Variants in GPR149 observed in about 807,000 individuals in gnomAD.
The protein encoded by GPR149 is probable G protein-coupled receptor 149.
In GPR149, 50 loss-of-function variants were observed where a neutral mutation model predicts 50.2. The observed-to-expected ratio is 1.00, with a 90% CI of 0.79 to 1.26. The LOEUF (loss-of-function observed/expected upper bound fraction) is 1.26. Among genes scored for constraint, GPR149 ranks in the 50% most tolerant of loss-of-function variants. The pLI is 0.00. For missense variants in GPR149, 983 were observed against 895.4 expected, an observed-to-expected ratio of 1.10 and a Z score of -1.25; for synonymous variants, 405 against 358.2, an observed-to-expected ratio of 1.13 and a Z score of -1.48.
At chr3:154,371,248 A>G (rs1714657793) in intron 3 of GPR149, among the ~76,000 whole-genome samples, 2 of 152,168 alleles carry the variant, frequency 1.3e-5, no homozygotes, top group South Asian at 4.1e-4. Context: ...CTAGTGCAAG[A>G]CCTCAGGTTT....
At chr3:154,395,450 G>GTATATATA (rs58944835) in intron 3 of GPR149, among the ~76,000 whole-genome samples, 2 of 145,722 alleles carry the variant, frequency 1.4e-5, no homozygotes, top group African/African-American at 5.0e-5. Flanking sequence ...ATATATATAA[G>GTATATATA]TATATATATA....
At chr3:154,343,112 G>T (rs192638809) in intron 3 of GPR149, among the ~76,000 whole-genome samples, 2 of 152,272 alleles carry the variant, frequency 1.3e-5, no homozygotes, top group Non-Finnish European at 2.9e-5. Context: ...AGATATAAAA[G>T]CAAGCAAATT....
intron 3 of GPR149, among the ~76,000 whole-genome samples, chr3:154,411,702 A>G (rs1213880665): frequency 6.6e-6 from 1 of 152,106 alleles, no homozygotes; most frequent in East Asian, 1.9e-4. Flanking sequence ...TTAAAATAGT[A>G]ATTAAAAATT....
chr3:154,358,864 C>A (rs187286795), intron 3 of GPR149, among the ~76,000 whole-genome samples: 2 of 151,960 alleles, frequency 1.3e-5, no homozygotes, highest in Admixed American at 6.6e-5. Context: ...TGTATTTGTG[C>A]ATGGGTGTTT....
intron 3 of GPR149, among the ~76,000 whole-genome samples, chr3:154,406,102 T>C (rs941718428): frequency 5.9e-5 from 9 of 151,986 alleles, no homozygotes; most frequent in African/African-American, 1.9e-4. Flanking sequence ...TCTATAAAAA[T>C]TGGAAAAAAT....
intron 3 of GPR149, among the ~76,000 whole-genome samples, chr3:154,376,336 G>A (rs1284268090): frequency 1.3e-5 from 2 of 152,130 alleles, no homozygotes; most frequent in African/African-American, 2.4e-5. Context: ...GAGATTTTAA[G>A]TTTCTCTGCT....
chr3:154,422,720 G>A (rs1202645297), intron 2 of GPR149, among the ~76,000 whole-genome samples: 1 of 151,408 alleles, frequency 6.6e-6, no homozygotes, highest in Non-Finnish European at 1.5e-5. Context: ...ACAAGAACAA[G>A]TTTGATTCAA....
At chr3:154,423,234 A>G (rs1412444005) in intron 2 of GPR149, among the ~76,000 whole-genome samples, 8 of 151,920 alleles carry the variant, frequency 5.3e-5, no homozygotes, top group Non-Finnish European at 4.4e-5. Context: ...CACATCGATT[A>G]TCTCATTTAA....
intron 3 of GPR149, among the ~76,000 whole-genome samples, chr3:154,413,698 T>A (rs968141093): frequency 6.6e-6 from 1 of 151,616 alleles, no homozygotes; most frequent in Admixed American, 6.6e-5. Flanking sequence ...ACTTTTACAC[T>A]GTTGGTGGTA....
At chr3:154,416,185 C>T (rs1024836229) in intron 3 of GPR149, among the ~76,000 whole-genome samples, 3 of 151,778 alleles carry the variant, frequency 2.0e-5, no homozygotes, top group Non-Finnish European at 4.4e-5. Flanking sequence ...CAGCCTTATA[C>T]TTTATGGGTC....
At chr3:154,419,700 GAC>G (rs145200212) in intron 3 of GPR149, among the ~76,000 whole-genome samples, 170 of 151,858 alleles carry the variant, frequency 1.1e-3, no homozygotes, top group Middle Eastern at 3.4e-3. Flanking sequence ...TATTGGGATG[GAC>G]ACACACACAC....
Position 154,414,109 on chromosome 3 carries a change from A to C in GPR149, c.1623+6930T>G, listed in dbSNP as rs149188874. 2.9e-4 allele frequency among the ~76,000 whole-genome samples: 44 copies of C among 152,108 alleles called. No individual in the cohort carries two copies. The East Asian group carries it at 8.3e-3, about 29-fold the overall frequency. On this transcript the variant is annotated intron_variant, in intron 3 of 3. Transcript: ENST00000389740. ...CTCATTCATATGTGTGAGTTAAGCC[A>C]TGAGGATGCAAAGGTGTAAGAATGA...
chr3:154,394,163 T>C (rs529268127), intron 3 of GPR149, among the ~76,000 whole-genome samples: 1 of 152,182 alleles, frequency 6.6e-6, no homozygotes, highest in Admixed American at 6.5e-5. Flanking sequence ...ATTTTCAAAA[T>C]ACATTACAAG....
chr3:154,340,722 TTTTG>T (rs1440768206), intron 3 of GPR149, among the ~76,000 whole-genome samples: 20 of 152,046 alleles, frequency 1.3e-4, no homozygotes, highest in African/African-American at 4.8e-5. Context: ...AAAGATTTAG[TTTTG>T]TTTGTTTGTT....
chr3:154,417,710 A>C (rs2108427383), intron 3 of GPR149, among the ~76,000 whole-genome samples: 2 of 152,200 alleles, frequency 1.3e-5, no homozygotes, highest in East Asian at 3.9e-4. Context: ...ACATATGTTA[A>C]CATTGCTTTG....
chr3:154,374,370 G>A (rs922129217), intron 3 of GPR149, among the ~76,000 whole-genome samples: 7 of 151,656 alleles, frequency 4.6e-5, no homozygotes, highest in Admixed American at 3.9e-4. Context: ...GATGGGGTTC[G>A]CCATGTTGGC....
intron 3 of GPR149, among the ~76,000 whole-genome samples, chr3:154,408,360 G>C (rs1711750928): frequency 6.6e-6 from 1 of 152,178 alleles, no homozygotes; most frequent in Non-Finnish European, 1.5e-5. Context: ...ACCACTGCAG[G>C]CTCCCTGAGA....
intron 3 of GPR149, among the ~76,000 whole-genome samples, chr3:154,395,899 C>A (rs920323886): frequency 6.6e-6 from 1 of 152,162 alleles, no homozygotes; most frequent in Non-Finnish European, 1.5e-5. Flanking sequence ...TGTATAATTT[C>A]TTGACTATTC....
intron 3 of GPR149, among the ~76,000 whole-genome samples, chr3:154,345,369 T>G (rs1420659090): frequency 6.6e-6 from 1 of 152,222 alleles, no homozygotes; most frequent in African/African-American, 2.4e-5. Context: ...CACTGAATTT[T>G]ATGTGAAAGT....
Sources: allele counts gnomAD v4.1 joint callset (sites outside exome capture counted in the v4.1 genomes callset), GRCh38; gene constraint gnomAD v4.1.1; transcripts MANE v1.5; gene names NCBI Gene and HGNC (gene_info 2026-07-23, HGNC 2026-07-21).